Variants in CPNE4 observed in about 807,000 individuals in gnomAD.
CPNE4 encodes the protein copine 4.
In CPNE4, 25 loss-of-function variants were observed where a neutral mutation model predicts 67.9. The ratio of observed to expected loss-of-function variants is 0.37; its 90% CI spans 0.27 to 0.51. CPNE4 has a LOEUF of 0.51. Among genes scored for constraint, CPNE4 ranks in the 20% least tolerant of loss-of-function variants. The probability of loss-of-function intolerance (pLI) is 0.93; values close to 1 mark genes in which losing one functional copy is unlikely to be tolerated. For missense variants in CPNE4, 464 were observed against 690.8 expected (o/e 0.67, Z 3.68); for synonymous variants, 242 against 244.9 (o/e 0.99, Z 0.11).
In CPNE4 at chr3:131,542,557, G is replaced by A. The variant is rs751190704; in HGVS notation, c.1539C>T (p.His513=). The A allele has an allele frequency of 1.1e-5, 17 of 1,608,088 alleles. No homozygotes were observed. The highest frequency in any genetic ancestry group is 8.9e-5 in the East Asian group (4 of 44,844). ...VQFVPFRNFK[H]ASPAALAKSV... ...AGTGCCCCAATGTGTATATGCATAC[G>A]TGTTTGAAGTTCCTGAAGGGCACGA... is the stretch of plus-strand genomic sequence containing the variant. The change falls in exon 15 of 16, where the codon CAC becomes CAT. Residue 513 remains histidine (H), a splice_region_variant and synonymous_variant. Coordinates refer to ENST00000429747, the MANE Select transcript of CPNE4 (RefSeq NM_130808.3).
intron 3 of CPNE4, among the ~76,000 whole-genome samples, chr3:131,704,651 G>C (rs2081376614): frequency 6.6e-6 from 1 of 152,146 alleles, no homozygotes; most frequent in Non-Finnish European, 1.5e-5. Context: ...TTCTGTGACA[G>C]ATGATATGTG....
At chr3:131,971,085 C>G (rs1187878252) in intron 1 of CPNE4, among the ~76,000 whole-genome samples, 2 of 152,188 alleles carry the variant, frequency 1.3e-5, no homozygotes, top group African/African-American at 2.4e-5. Context: ...CTAGAAAGAT[C>G]TAAAGAGTCC....
chr3:131,983,333 TATATC>T (rs1226821837), intron 1 of CPNE4, among the ~76,000 whole-genome samples: 1 of 152,202 alleles, frequency 6.6e-6, no homozygotes, highest in Non-Finnish European at 1.5e-5. Flanking sequence ...AATTTACACT[TATATC>T]ACACTGAGAC....
intron 9 of CPNE4, among the ~76,000 whole-genome samples, chr3:131,580,234 C>T (rs550530051): frequency 3.5e-3 from 536 of 151,998 alleles, no homozygotes; most frequent in Non-Finnish European, 5.4e-3. Context: ...AATTAAAGTA[C>T]GTACATTTTT....
At chr3:131,932,538 C>G (rs1167047131) in intron 1 of CPNE4, among the ~76,000 whole-genome samples, 1 of 151,966 alleles carries the variant, frequency 6.6e-6, no homozygotes, top group African/African-American at 2.4e-5. Context: ...AAAGGGTAAA[C>G]AGCATGATGA....
chr3:131,749,183 T>C (rs2082563424), intron 2 of CPNE4, among the ~76,000 whole-genome samples: 1 of 152,156 alleles, frequency 6.6e-6, no homozygotes, highest in Non-Finnish European at 1.5e-5. Flanking sequence ...CTTGAGACTG[T>C]TTTTGGATCA....
At chr3:131,663,124 T>G (rs187746574) in intron 7 of CPNE4, among the ~76,000 whole-genome samples, 1,942 of 152,276 alleles carry the variant, frequency 0.013, 27 homozygotes, top group Non-Finnish European at 0.017. Context: ...TGGAATACTA[T>G]GCAGCCATAA....
At position 131,854,886 on chromosome 3, in the gene CPNE4, T is replaced by C. The variant is rs80259203; in HGVS notation, c.180+50378A>G. 3.9e-4 allele frequency among the ~76,000 whole-genome samples: 59 copies of C among 151,828 alleles called. 1 individual carries two copies. The East Asian group carries it at 5.6e-3, about 14-fold the overall frequency. ...AGGGTCCCTAGAAAATTGGAGAAGA[T>C]TATTTGAACAGTACCATTTCACATA... On this transcript the variant is annotated intron_variant, in intron 2 of 15. Transcript: ENST00000429747.
At chr3:131,904,050 T>C (rs2088651374) in intron 2 of CPNE4, among the ~76,000 whole-genome samples, 1 of 152,130 alleles carries the variant, frequency 6.6e-6, no homozygotes, top group African/African-American at 2.4e-5. Flanking sequence ...TGGGGGCCCA[T>C]CGCTCTTTGA....
chr3:131,762,214 T>A (rs1202658862), intron 2 of CPNE4, among the ~76,000 whole-genome samples: 1 of 152,084 alleles, frequency 6.6e-6, no homozygotes, highest in Non-Finnish European at 1.5e-5. Context: ...AACTTCTCTC[T>A]CTCTGTATGT....
At chr3:131,847,787 T>TG (rs2086061601) in intron 2 of CPNE4, among the ~76,000 whole-genome samples, 1 of 152,122 alleles carries the variant, frequency 6.6e-6, no homozygotes, top group Non-Finnish European at 1.5e-5. Context: ...TCTGGGAGGA[T>TG]GAGGAAGCTT....
At chr3:131,758,341 A>T (rs969650550) in intron 2 of CPNE4, among the ~76,000 whole-genome samples, 1 of 152,188 alleles carries the variant, frequency 6.6e-6, no homozygotes, top group East Asian at 1.9e-4. Flanking sequence ...GTCAAAGGAC[A>T]TCATTGTGGA....
At chr3:131,815,878 TCA>T (rs993762266) in intron 2 of CPNE4, among the ~76,000 whole-genome samples, 2 of 152,244 alleles carry the variant, frequency 1.3e-5, no homozygotes, top group African/African-American at 4.8e-5. Flanking sequence ...TTTGGTTAGT[TCA>T]CAGTGTTCCT....
chr3:132,006,645 C>G (rs377143620), intron 1 of CPNE4, among the ~76,000 whole-genome samples: 2 of 110,820 alleles, frequency 1.8e-5, no homozygotes, highest in Admixed American at 1.0e-4. Context: ...TGACATAAAC[C>G]TTTCTTTCCA....
At chr3:131,570,995 A>G (rs1434400420) in intron 10 of CPNE4, among the ~76,000 whole-genome samples, 1 of 150,842 alleles carries the variant, frequency 6.6e-6, no homozygotes, top group African/African-American at 2.4e-5. Flanking sequence ...TTCTTGAATG[A>G]ATACTTACAC....
intron 11 of CPNE4, among the ~76,000 whole-genome samples, chr3:131,563,507 TATC>T (rs767074925): frequency 1.4e-4 from 21 of 152,044 alleles, no homozygotes; most frequent in Non-Finnish European, 2.8e-4. Context: ...GGCCAATATT[TATC>T]ATCAAGTAAG....
At position 131,671,796 on chromosome 3, in the gene CPNE4, A is replaced by T. The variant is rs191130445; in HGVS notation, c.592-2032T>A. 2.6e-5 allele frequency among the ~76,000 whole-genome samples: 4 copies of T among 152,210 alleles called. No homozygotes were observed. In the East Asian group the frequency reaches 7.7e-4, roughly 29 times the overall value. On this transcript the variant is annotated intron_variant, in intron 6 of 15. Transcript: ENST00000429747. ...TTATTTTTTGGGCTGTTACTTCAAG[A>T]ATTTATCCTTTATGTTAGAAACATT...
intron 2 of CPNE4, among the ~76,000 whole-genome samples, chr3:131,836,202 T>C (rs1034194475): frequency 6.6e-6 from 1 of 152,138 alleles, no homozygotes; most frequent in Non-Finnish European, 1.5e-5. Flanking sequence ...CTTATGATCA[T>C]AGATCCAAAA....
intron 3 of CPNE4, among the ~76,000 whole-genome samples, chr3:131,717,475 T>C (rs1465764914): frequency 6.6e-6 from 1 of 152,222 alleles, no homozygotes; most frequent in Non-Finnish European, 1.5e-5. Flanking sequence ...ATATTGTCTA[T>C]TCTATATTCA....
Sources: allele counts gnomAD v4.1 joint callset (sites outside exome capture counted in the v4.1 genomes callset), GRCh38; gene constraint gnomAD v4.1.1; transcripts MANE v1.5; gene names NCBI Gene and HGNC (gene_info 2026-07-23, HGNC 2026-07-21).